The following CDH17 variants were observed in gnomAD, a reference collection of about 807,000 sequenced individuals.
CDH17 encodes cadherin-17.
CDH17 carries 67 observed loss-of-function variants against 86.3 expected under a neutral mutation model. The ratio of observed to expected loss-of-function variants is 0.78; its 90% CI spans 0.64 to 0.95. The LOEUF is 0.95. CDH17 is among the 40% of genes least tolerant of loss of function. CDH17 has a pLI of 0.00. For synonymous variants in CDH17, 367 were observed against 366.4 expected, an observed-to-expected ratio of 1.00 and a Z score of -0.02; for missense variants, 993 against 1,017.6, an observed-to-expected ratio of 0.98 and a Z score of 0.33.
intron 12 of CDH17, among the ~76,000 whole-genome samples, chr8:94,156,272 T>C (rs1017376666): frequency 2.0e-5 from 3 of 152,170 alleles, no homozygotes; most frequent in Non-Finnish European, 4.4e-5. Context: ...CGATCACTGA[T>C]GATATCAAAG....
intron 11 of CDH17, among the ~76,000 whole-genome samples, chr8:94,160,534 TAAATC>T (rs779194959): frequency 1.4e-4 from 21 of 152,226 alleles, no homozygotes; most frequent in African/African-American, 5.1e-4. Flanking sequence ...AATTAATTCT[TAAATC>T]AACCAATGAA....
intron 1 of CDH17, among the ~76,000 whole-genome samples, chr8:94,201,422 G>T (rs1314635354): frequency 6.6e-6 from 1 of 152,172 alleles, no homozygotes; most frequent in Non-Finnish European, 1.5e-5. Flanking sequence ...TTGTTAGAGT[G>T]GGCTCTAATC....
chr8:94,210,668 A>G (rs558913339), upstream of CDH17, among the ~76,000 whole-genome samples: 49 of 152,378 alleles, frequency 3.2e-4, no homozygotes, highest in African/African-American at 1.2e-3. Context: ...AGGAAAATGT[A>G]ATTGATAAAT....
chr8:94,147,483 GT>G (rs138919366), intron 14 of CDH17, among the ~76,000 whole-genome samples: 1 of 151,976 alleles, frequency 6.6e-6, no homozygotes, highest in Non-Finnish European at 1.5e-5. Flanking sequence ...CATTTTGAAA[GT>G]TTTTTTCCGG....
chr8:94,134,210 A>T (rs4644203), intron 15 of CDH17, among the ~76,000 whole-genome samples: 1 of 152,032 alleles, frequency 6.6e-6, no homozygotes, highest in Non-Finnish European at 1.5e-5. Flanking sequence ...CTATTGATTG[A>T]AATAGTTTCA....
intron 2 of CDH17, among the ~76,000 whole-genome samples, chr8:94,190,489 C>G (rs557653531): frequency 6.6e-6 from 1 of 152,188 alleles, no homozygotes; most frequent in Admixed American, 6.5e-5. Context: ...TTGGGGCACC[C>G]TCTAGGACCA....
At chr8:94,209,154 TC>T (rs1014252666), upstream of CDH17, among the ~76,000 whole-genome samples, 1 of 151,944 alleles carries the variant, frequency 6.6e-6, no homozygotes, top group Non-Finnish European at 1.5e-5. Context: ...AGTCCTTTTT[TC>T]CCCCCCACAA....
chr8:94,180,350 GA>G (rs573594046), intron 3 of CDH17, among the ~76,000 whole-genome samples: 2 of 151,884 alleles, frequency 1.3e-5, no homozygotes, highest in East Asian at 1.9e-4. Flanking sequence ...GAAAAAGGGG[GA>G]AAAAAGATTA....
At chr8:94,201,432 C>A (rs1404453821) in intron 1 of CDH17, among the ~76,000 whole-genome samples, 2 of 152,170 alleles carry the variant, frequency 1.3e-5, no homozygotes, top group African/African-American at 4.8e-5. Flanking sequence ...GGGCTCTAAT[C>A]CACAATGACT....
chr8:94,184,577 G>A lies in CDH17; in HGVS notation c.150+4610C>T, dbSNP rs139246669. The stretch of plus-strand genomic sequence containing the variant: ...GTGGTTGCCCAAGGCTGAGGGGAGT[G>A]GAGGCTGGAGAGTGACTATTAATAG... On this transcript the variant is annotated intron_variant, in intron 3 of 17. Transcript: ENST00000027335. 2.5e-3 allele frequency among the ~76,000 whole-genome samples: 387 copies of A among 152,252 alleles called. 2 individuals carry two copies. The highest frequency in any genetic ancestry group is 9.0e-3 in the African/African-American group (374 of 41,528).
chr8:94,154,810 C>T (rs1812916142), intron 12 of CDH17, among the ~76,000 whole-genome samples: 1 of 152,182 alleles, frequency 6.6e-6, no homozygotes, highest in African/African-American at 2.4e-5. Context: ...GCATCATATT[C>T]ATCTTTGCTT....
chr8:94,177,461 G>T (rs527247281), intron 4 of CDH17, 126 bp downstream of exon 4: 3 of 933,228 alleles, frequency 3.2e-6, no homozygotes, highest in Non-Finnish European at 5.0e-6. Context: ...ATTGCAAAGC[G>T]TCCCATTAAT....
At chr8:94,205,248 T>C (rs1171599744) in intron 1 of CDH17, among the ~76,000 whole-genome samples, 2 of 148,270 alleles carry the variant, frequency 1.3e-5, no homozygotes, top group East Asian at 3.9e-4. Context: ...GGAATCACTA[T>C]TTCTCATAAA....
At chr8:94,148,036 T>A (rs1812779545) in intron 14 of CDH17, among the ~76,000 whole-genome samples, 1 of 152,188 alleles carries the variant, frequency 6.6e-6, no homozygotes, top group Non-Finnish European at 1.5e-5. Context: ...GAGTTACAAT[T>A]TAAGGCTGAA....
intron 1 of CDH17, among the ~76,000 whole-genome samples, chr8:94,203,802 T>G (rs1205543142): frequency 6.6e-6 from 1 of 152,162 alleles, no homozygotes; most frequent in Admixed American, 6.5e-5. Flanking sequence ...GCTGGATGAT[T>G]TGTTTTTAGA....
chr8:94,199,071 ATATATATATATATTTTTT>A (rs1441016908), intron 1 of CDH17, among the ~76,000 whole-genome samples: 7 of 16,294 alleles, frequency 4.3e-4, no homozygotes, highest in African/African-American at 8.3e-4. Context: ...ATATATATAT[ATATATATATATATTTTTT>A]TTTTTTTATC....
chr8:94,171,701 C>G (rs1236069342), intron 7 of CDH17, among the ~76,000 whole-genome samples: 1 of 152,138 alleles, frequency 6.6e-6, no homozygotes, highest in Non-Finnish European at 1.5e-5. Flanking sequence ...TCCAAACAGT[C>G]CTCTGACGTA....
At chr8:94,185,340 A>G (rs1563583966) in intron 3 of CDH17, among the ~76,000 whole-genome samples, 1 of 151,892 alleles carries the variant, frequency 6.6e-6, no homozygotes, top group Non-Finnish European at 1.5e-5. Context: ...ACATTCAACC[A>G]TGATAACCAG....
At chr8:94,176,806 A>G in intron 4 of CDH17, 127 bp from the exon 5 acceptor site, 1 of 865,738 alleles carries the variant, frequency 1.2e-6, no homozygotes, top group Non-Finnish European at 1.8e-6. Context: ...GAAAGAACTC[A>G]CAAAAGGCCA....
Sources: allele counts gnomAD v4.1 joint callset (sites outside exome capture counted in the v4.1 genomes callset), GRCh38; gene constraint gnomAD v4.1.1; transcripts MANE v1.5; gene names NCBI Gene and HGNC (gene_info 2026-07-23, HGNC 2026-07-21).